MARCHF1: variants seen among roughly 807,000 people sequenced by gnomAD.
The protein encoded by MARCHF1 is E3 ubiquitin-protein ligase MARCHF1.
In MARCHF1, 40 loss-of-function variants were observed where a neutral mutation model predicts 54.2. That is an observed-to-expected ratio of 0.74 (90% CI 0.57 to 0.96). The LOEUF is 0.96. Ranked by LOEUF, MARCHF1 falls within the 40% of genes least tolerant of loss-of-function variation. MARCHF1 has a pLI of 0.00. For synonymous variants in MARCHF1, 236 were observed against 236.3 expected, an observed-to-expected ratio of 1.00 and a Z score of 0.01; for missense variants, 586 against 656.5, an observed-to-expected ratio of 0.89 and a Z score of 1.17.
At chr4:164,021,462 G>A (rs562007906) in intron 2 of MARCHF1, among the ~76,000 whole-genome samples, 2 of 151,942 alleles carry the variant, frequency 1.3e-5, no homozygotes, top group Admixed American at 6.6e-5. Flanking sequence ...TTTTCCTTGA[G>A]CCTTTGAAAT....
At chr4:164,256,372 T>A (rs1303807348) in intron 1 of MARCHF1, among the ~76,000 whole-genome samples, 2 of 146,522 alleles carry the variant, frequency 1.4e-5, no homozygotes, top group African/African-American at 5.0e-5. Context: ...TAGCCCTAAA[T>A]GTATTTGGGT....
intron 1 of MARCHF1, among the ~76,000 whole-genome samples, chr4:164,168,959 C>T (rs1215951590): frequency 6.6e-6 from 1 of 151,980 alleles, no homozygotes; most frequent in African/African-American, 2.4e-5. Flanking sequence ...GGTTGACAGA[C>T]ATAGGTCAAA....
chr4:164,258,435 A>G (rs942128832), intron 1 of MARCHF1, among the ~76,000 whole-genome samples: 2 of 144,688 alleles, frequency 1.4e-5, no homozygotes, highest in African/African-American at 5.4e-5. Context: ...AAAACAATAG[A>G]AAAAAATCTG....
At chr4:163,576,045 G>C (rs1175469479) in intron 8 of MARCHF1, among the ~76,000 whole-genome samples, 1 of 151,560 alleles carries the variant, frequency 6.6e-6, no homozygotes, top group East Asian at 1.9e-4. Flanking sequence ...ATTTCATTTA[G>C]GTCTGCTCTA....
At chr4:163,879,745 C>A (rs1051537442) in intron 3 of MARCHF1, among the ~76,000 whole-genome samples, 1 of 151,430 alleles carries the variant, frequency 6.6e-6, no homozygotes. Context: ...TAAATTTATA[C>A]AATGAATATT....
chr4:164,068,284 C>T (rs978283447), intron 2 of MARCHF1, among the ~76,000 whole-genome samples: 7 of 152,150 alleles, frequency 4.6e-5, no homozygotes, highest in Non-Finnish European at 1.0e-4. Context: ...GTCTTGGCAC[C>T]CACTCTGGCC....
At chr4:163,923,761 A>T (rs892007871) in intron 3 of MARCHF1, among the ~76,000 whole-genome samples, 1 of 137,386 alleles carries the variant, frequency 7.3e-6, no homozygotes, top group Non-Finnish European at 1.7e-5. Context: ...AAGGTGATAG[A>T]ATTGTAAAAA....
chr4:163,939,938 A>G (rs1410398386), intron 3 of MARCHF1, among the ~76,000 whole-genome samples: 2 of 152,158 alleles, frequency 1.3e-5, no homozygotes, highest in African/African-American at 2.4e-5. Context: ...TCCAGAATTG[A>G]TATGTTGAAA....
chr4:163,734,325 G>C (rs1745969675), intron 4 of MARCHF1, among the ~76,000 whole-genome samples: 1 of 152,068 alleles, frequency 6.6e-6, no homozygotes, highest in Admixed American at 6.6e-5. Flanking sequence ...CTATTCTTAG[G>C]TATTTATCCA....
chr4:164,192,222 G>T (rs1265634067), intron 1 of MARCHF1, among the ~76,000 whole-genome samples: 2 of 152,108 alleles, frequency 1.3e-5, no homozygotes, highest in Non-Finnish European at 2.9e-5. Context: ...TACTCTAAAA[G>T]TTCATAGTGT....
chr4:164,075,040 T>C (rs947531496), intron 2 of MARCHF1, among the ~76,000 whole-genome samples: 2 of 152,152 alleles, frequency 1.3e-5, no homozygotes, highest in African/African-American at 4.8e-5. Flanking sequence ...CTGCCTTAAA[T>C]GATAAAATAG....
chr4:163,671,138 C>T (rs1251885956), intron 5 of MARCHF1, among the ~76,000 whole-genome samples: 1 of 152,186 alleles, frequency 6.6e-6, no homozygotes, highest in Non-Finnish European at 1.5e-5. Flanking sequence ...TCTCTTAGAT[C>T]TAATACCTAG....
Position 163,567,108 on chromosome 4 carries a change from C to T in MARCHF1, c.1191+18641G>A, listed in dbSNP as rs148809488. Among the ~76,000 whole-genome samples the T allele has an allele frequency of 6.2e-3, 950 of 152,118 alleles. 8 individuals carry two copies. Among genetic ancestry groups the T allele is most frequent in the African/African-American group, 0.021 (886 of 41,486 alleles). On this transcript the variant is annotated intron_variant, in intron 8 of 9. Transcript: ENST00000514618. ...ATGTAACAAAGCTGCATTTTCTGCA[C>T]GTGTATCCCAGAACTTAAAGTATAA...
rs775860711 is a variant in MARCHF1, at chr4:164,295,816, G to T, written c.-323+88054C>A. Among the ~76,000 whole-genome samples, 45 of 152,234 alleles carry T rather than the reference G, an allele frequency of 3.0e-4. 1 individual carries two copies. Among genetic ancestry groups the T allele is most frequent in the African/African-American group, 1.1e-3 (44 of 41,558 alleles). Reference sequence around the variant, plus strand: ...AACTGCTGCATTTGTTAAAGAAATGGAAGAAGATAACCTAAACTAAAGCAA... The same window carrying T: ...AACTGCTGCATTTGTTAAAGAAATGTAAGAAGATAACCTAAACTAAAGCAA... On this transcript the variant is annotated intron_variant, in intron 1 of 9. Transcript: ENST00000514618.
intron 4 of MARCHF1, among the ~76,000 whole-genome samples, chr4:163,750,269 T>C (rs1746481676): frequency 6.6e-6 from 1 of 151,766 alleles, no homozygotes; most frequent in Non-Finnish European, 1.5e-5. Flanking sequence ...CCCAGCAATT[T>C]GGGAGGCCGA....
chr4:163,656,891 A>G (rs1743165124), intron 5 of MARCHF1, among the ~76,000 whole-genome samples: 1 of 152,130 alleles, frequency 6.6e-6, no homozygotes, highest in Admixed American at 6.6e-5. Flanking sequence ...CAAACTAGGT[A>G]TTGAAGGAAC....
intron 3 of MARCHF1, among the ~76,000 whole-genome samples, chr4:163,885,729 T>A (rs959149696): frequency 6.6e-6 from 1 of 151,900 alleles, no homozygotes; most frequent in Non-Finnish European, 1.5e-5. Flanking sequence ...ATGTACACAA[T>A]ATAATGATCC....
chr4:163,864,276 C>T (rs1750004206), intron 3 of MARCHF1, among the ~76,000 whole-genome samples: 1 of 151,752 alleles, frequency 6.6e-6, no homozygotes, highest in Admixed American at 6.6e-5. Flanking sequence ...GGTACTTTAC[C>T]TGAACGATTT....
At chr4:163,596,509 C>T (rs534350429) in intron 7 of MARCHF1, among the ~76,000 whole-genome samples, 102 of 138,130 alleles carry the variant, frequency 7.4e-4, no homozygotes, top group African/African-American at 2.7e-3. Context: ...CACTGCACTC[C>T]AGCCTGGGCG....
Sources: allele counts gnomAD v4.1 joint callset (sites outside exome capture counted in the v4.1 genomes callset), GRCh38; gene constraint gnomAD v4.1.1; transcripts MANE v1.5; gene names NCBI Gene and HGNC (gene_info 2026-07-23, HGNC 2026-07-21).